Variants in GAK observed in about 807,000 individuals in gnomAD.
GAK encodes cyclin-G-associated kinase.
A neutral mutation model predicts 143.9 loss-of-function variants in GAK; 79 were observed. The ratio of observed to expected loss-of-function variants is 0.55; its 90% CI spans 0.46 to 0.66. The LOEUF is 0.66. Ranked by LOEUF, GAK falls within the 30% of genes least tolerant of loss-of-function variation. GAK has a pLI of 0.00. For synonymous variants in GAK, 881 were observed against 765.5 expected, an observed-to-expected ratio of 1.15 and a Z score of -2.49; for missense variants, 1,693 against 1,779.7, an observed-to-expected ratio of 0.95 and a Z score of 0.88.
At chr4:924,074 A>G (rs1724306976) in intron 1 of GAK, among the ~76,000 whole-genome samples, 1 of 149,368 alleles carries the variant, frequency 6.7e-6, no homozygotes, top group Non-Finnish European at 1.5e-5. Flanking sequence ...AATCCCAGCT[A>G]GTTGGGAGGC....
chr4:851,841 G>T lies in GAK; in HGVS notation c.3417C>A (p.Pro1139=), dbSNP rs772120961. The T allele has an allele frequency of 1.2e-6, 2 of 1,609,186 alleles. No homozygotes were observed. Among genetic ancestry groups the T allele is most frequent in the South Asian group, 2.2e-5 (2 of 90,572 alleles). ...TAGGCCTTGGCTGTGTGCAGGCTTTGGGGGGCGGCTTGGCCTGAGGGGGCC... is the reference window on the plus strand; with the variant it reads ...TAGGCCTTGGCTGTGTGCAGGCTTTTGGGGGCGGCTTGGCCTGAGGGGGCC... The part of the protein sequence containing the change: ...ASWPPQAKPP[P]KACTQPRPNY... Residue 1139 remains proline, a synonymous_variant, in exon 25 of 28, where the codon CCC becomes CCA. Transcript: ENST00000314167.
intron 1 of GAK, among the ~76,000 whole-genome samples, chr4:920,464 AG>A (rs1723731957): frequency 6.6e-6 from 1 of 152,046 alleles, no homozygotes; most frequent in South Asian, 2.1e-4. Context: ...AAACGCCACC[AG>A]GAAGGAGAAG....
chr4:916,539 T>C (rs1382319381), intron 1 of GAK, among the ~76,000 whole-genome samples: 1 of 152,206 alleles, frequency 6.6e-6, no homozygotes, highest in African/African-American at 2.4e-5. Flanking sequence ...AAATTTTTAA[T>C]GTGCAAAAGA....
intron 27 of GAK, 51 bp from the exon 28 acceptor site, chr4:849,825 C>CGGGGCCGGGG: frequency 8.1e-7 from 1 of 1,229,764 alleles, no homozygotes; most frequent in Non-Finnish European, 1.1e-6. Flanking sequence ...CGGGGGCGGG[C>CGGGGCCGGGG]GGGGCAGGAC....
chr4:903,572 A>AACTG (rs1560404352), intron 5 of GAK, among the ~76,000 whole-genome samples: 13 of 134,360 alleles, frequency 9.7e-5, no homozygotes, highest in East Asian at 2.7e-4. Flanking sequence ...GGCCTGGGCC[A>AACTG]ACACCACTGG....
At chr4:893,525 TC>T (rs926145426) in intron 8 of GAK, 36 bp from the exon 9 acceptor site, 77 of 1,457,604 alleles carry the variant, frequency 5.3e-5, no homozygotes, top group Non-Finnish European at 7.0e-5. Context: ...GCCCCACGGT[TC>T]CCCAGGCGGG....
At chr4:913,244 C>T (rs1473350505) in intron 2 of GAK, among the ~76,000 whole-genome samples, 1 of 152,248 alleles carries the variant, frequency 6.6e-6, no homozygotes, top group Non-Finnish European at 1.5e-5. Flanking sequence ...ACAGTGACCC[C>T]TATTTACAGA....
At chr4:880,534 G>C (rs1024389830) in intron 15 of GAK, among the ~76,000 whole-genome samples, 2 of 152,080 alleles carry the variant, frequency 1.3e-5, no homozygotes, top group East Asian at 1.9e-4. Flanking sequence ...TGCCCACAGA[G>C]ACTGTGCCTT....
At chr4:863,392 T>C (rs775977919) in intron 23 of GAK, among the ~76,000 whole-genome samples, 11 of 152,066 alleles carry the variant, frequency 7.2e-5, no homozygotes, top group Non-Finnish European at 1.2e-4. Context: ...AGGCCAAGGG[T>C]TTAGAATATT....
At position 877,179 on chromosome 4, in the gene GAK, C is replaced by T. The variant is rs183655284; in HGVS notation, c.1885G>A (p.Val629Met). 6 of 1,613,848 alleles carry T rather than the reference C, an allele frequency of 3.7e-6. No homozygotes were observed. The Admixed American group carries it at 1.0e-4, about 27-fold the overall frequency. Reference sequence around the variant, plus strand: ...TGCACCGTGACGCCCAGGGGAATCACCGCTTTGCCATCTTCAATCTTAAAG... The same window carrying T: ...TGCACCGTGACGCCCAGGGGAATCATCGCTTTGCCATCTTCAATCTTAAAG... ...RDFKIEDGKAVIPLGVTVQGD... is the reference protein window; with the variant it reads ...RDFKIEDGKAMIPLGVTVQGD... The change falls in exon 17 of 28, where the codon GTG becomes ATG. Residue 629 changes from valine to methionine, a missense_variant. Physicochemically the swap from Val to Met is conservative, Grantham distance 21 (BLOSUM62 1). Around this residue, in one of 2 missense-constraint regions of GAK, gnomAD observed 871 missense variants for 991.0 expected, o/e 0.88. Coordinates refer to ENST00000314167, the MANE Select transcript of GAK (RefSeq NM_005255.4).
chr4:866,867 C>T (rs1751282049), intron 21 of GAK, 89 bp downstream of exon 21: 2 of 1,038,578 alleles, frequency 1.9e-6, no homozygotes, highest in South Asian at 3.4e-5. Flanking sequence ...CCTGCAAGCA[C>T]CTTCGAAACA....
chr4:927,062 G>A (rs1388645728), intron 1 of GAK, among the ~76,000 whole-genome samples: 1 of 51,398 alleles, frequency 1.9e-5, no homozygotes, highest in Admixed American at 1.9e-4. Flanking sequence ...GCACTGCCCC[G>A]CACCCCTTCC....
intron 10 of GAK, among the ~76,000 whole-genome samples, chr4:889,485 G>A (rs1457710544): frequency 4.6e-5 from 7 of 152,126 alleles, no homozygotes; most frequent in African/African-American, 1.7e-4. Flanking sequence ...ATGCAGACAG[G>A]AGACCGAGGC....
At chr4:912,953 C>T (rs764245622) in intron 2 of GAK, among the ~76,000 whole-genome samples, 159 bp from the exon 3 acceptor site, 13 of 152,230 alleles carry the variant, frequency 8.5e-5, no homozygotes, top group South Asian at 2.1e-4. Flanking sequence ...CCTGTAAAAA[C>T]GTGCTGGGGG....
At chr4:912,907 CAG>C in intron 2 of GAK, 113 bp from the exon 3 acceptor site, 8 of 770,144 alleles carry the variant, frequency 1.0e-5, no homozygotes, top group Admixed American at 4.8e-5. Flanking sequence ...GTGTCTAATA[CAG>C]CTCCCCCCGT....
intron 22 of GAK, among the ~76,000 whole-genome samples, 174 bp downstream of exon 22, chr4:866,190 C>G (rs1035296862): frequency 6.6e-6 from 1 of 152,214 alleles, no homozygotes; most frequent in Non-Finnish European, 1.5e-5. Context: ...AGGGAGCAGT[C>G]TGTCCTGACC....
At chr4:888,667 C>T in intron 11 of GAK, 180 bp downstream of exon 11, 3 of 703,594 alleles carry the variant, frequency 4.3e-6, no homozygotes, top group Non-Finnish European at 4.6e-6. Flanking sequence ...CTGCCTGGCT[C>T]TGTGGGATGC....
intron 5 of GAK, among the ~76,000 whole-genome samples, chr4:904,423 C>T (rs1430206170): frequency 2.7e-5 from 4 of 149,810 alleles, no homozygotes; most frequent in African/African-American, 7.4e-5. Flanking sequence ...GGATGATGGG[C>T]GGCTCCTAAC....
At chr4:920,538 C>CTTTTTT (rs1560440258) in intron 1 of GAK, among the ~76,000 whole-genome samples, 1 of 73,776 alleles carries the variant, frequency 1.4e-5, no homozygotes, top group African/African-American at 4.5e-5. Context: ...GGTTTAGAGC[C>CTTTTTT]ATTTTTTTTT....
Sources: allele counts gnomAD v4.1 joint callset (sites outside exome capture counted in the v4.1 genomes callset), GRCh38; gene constraint gnomAD v4.1.1; regional missense constraint gnomAD v4.1.1; transcripts MANE v1.5; gene names NCBI Gene and HGNC (gene_info 2026-07-23, HGNC 2026-07-21).